Variants in XIRP2 observed in about 807,000 individuals in gnomAD.
XIRP2 encodes xin actin-binding repeat-containing protein 2.
XIRP2 carries 236 observed loss-of-function variants against 277.0 expected under a neutral mutation model. That is an observed-to-expected ratio of 0.85 (90% CI 0.77 to 0.95). The LOEUF is 0.95. Ranked by LOEUF, XIRP2 falls within the 40% of genes least tolerant of loss-of-function variation. The pLI is 0.00. For missense variants in XIRP2, 4,640 were observed against 4,157.5 expected (o/e 1.12, Z -3.19); for synonymous variants, 1,490 against 1,416.5 (o/e 1.05, Z -1.17).
chr2:167,227,997 A>C (rs2105413102), intron 5 of XIRP2, among the ~76,000 whole-genome samples: 1 of 152,288 alleles, frequency 6.6e-6, no homozygotes, highest in African/African-American at 2.4e-5. Flanking sequence ...GTTTCATGAA[A>C]GACAGAGCTT....
intron 5 of XIRP2, among the ~76,000 whole-genome samples, chr2:167,226,119 G>C (rs944609633): frequency 6.6e-6 from 1 of 152,046 alleles, no homozygotes; most frequent in Admixed American, 6.6e-5. Flanking sequence ...CTAGTAATTC[G>C]GTTTTCCTTT....
chr2:167,242,869 A>G lies in XIRP2; in HGVS notation c.1477A>G (p.Arg493Gly). ...CCCCAAAGATGTATATTCCAAGCAA[A>G]GAAATTTGTATGAATTAAACCGTTT... ...PVPKDVYSKQ[R>G]NLYELNRLYK... Residue 493 changes from arginine (R) to glycine (G), a missense_variant, in exon 9 of 11, where the codon AGA becomes GGA. Physicochemically the swap from Arg to Gly is moderately radical, Grantham distance 125. Coordinates refer to ENST00000409195, the MANE Select transcript of XIRP2 (RefSeq NM_152381.6). The G allele has an allele frequency of 2.5e-6, 4 of 1,614,172 alleles. No individual in the cohort carries two copies. The highest frequency in any genetic ancestry group is 3.4e-6 in the Non-Finnish European group (4 of 1,180,012).
intron 2 of XIRP2, among the ~76,000 whole-genome samples, chr2:166,920,328 G>T (rs1262464736): frequency 1.3e-5 from 2 of 152,122 alleles, no homozygotes; most frequent in African/African-American, 4.8e-5. Context: ...AATTCAAGTT[G>T]ATCTCAGTCC....
chr2:167,181,773 G>C (rs6748870), intron 3 of XIRP2, among the ~76,000 whole-genome samples: 15,048 of 152,154 alleles, frequency 0.099, 805 homozygotes, highest in South Asian at 0.16. Flanking sequence ...GTAAAGAACA[G>C]TTTTACTTTT....
chr2:167,023,213 T>A (rs1205382319), intron 2 of XIRP2, among the ~76,000 whole-genome samples: 1 of 152,104 alleles, frequency 6.6e-6, no homozygotes, highest in Non-Finnish European at 1.5e-5. Context: ...CATTGACGGT[T>A]AGCATTTTTT....
chr2:167,186,561 G>A (rs1049074799), intron 3 of XIRP2, among the ~76,000 whole-genome samples: 5 of 152,122 alleles, frequency 3.3e-5, no homozygotes, highest in African/African-American at 1.2e-4. Flanking sequence ...TGTATGAGAT[G>A]TTGTCATTTT....
rs367888392 is a variant in XIRP2, at chr2:167,219,078, G to A, written c.858+778G>A. 5.0e-3 allele frequency among the ~76,000 whole-genome samples: 758 copies of A among 152,122 alleles called. 9 individuals are homozygous for A. Among genetic ancestry groups the A allele is most frequent in the Non-Finnish European group, 7.6e-3 (518 of 67,988 alleles). ...TTTTTTTTAATCCCCGGGACATATAGAGTTGCCTAAATTTTTTTAAATGAA... is the reference window on the plus strand; with the variant it reads ...TTTTTTTTAATCCCCGGGACATATAAAGTTGCCTAAATTTTTTTAAATGAA... On this transcript the variant is annotated intron_variant, in intron 5 of 10. Transcript: ENST00000409195.
intron 2 of XIRP2, among the ~76,000 whole-genome samples, chr2:167,108,872 A>G (rs946104163): frequency 1.3e-5 from 2 of 149,344 alleles, no homozygotes; most frequent in African/African-American, 4.9e-5. Flanking sequence ...GTCCTTTTTT[A>G]ATCTTTTATT....
rs374838575 is a variant in XIRP2, at chr2:167,258,835, T to C, written c.*1018T>C. The C allele has an allele frequency of 1.9e-6, 3 of 1,612,958 alleles. No homozygotes were observed. The highest frequency in any genetic ancestry group is 2.7e-5 in the African/African-American group (2 of 74,850). On this transcript the variant is annotated 3_prime_UTR_variant, in exon 11 of 11. Transcript: ENST00000409195. The stretch of plus-strand genomic sequence containing the variant: ...CATCTAGAATCTCAGAGTTACTTGG[T>C]ATATTTGAATCTGAAAAGACTTATT...
Position 167,115,187 on chromosome 2 carries a change from T to TG in XIRP2, c.409-20721dup, listed in dbSNP as rs534570655. On this transcript the variant is annotated intron_variant, in intron 2 of 10. Transcript: ENST00000409195. ...CTGTGGTTTTGCAATTCTTATAGTG[T>TG]GTTTTTCAGCTCTATCAGATCCGTT... Among the ~76,000 whole-genome samples the TG allele has an allele frequency of 2.7e-3, 413 of 152,292 alleles. 4 individuals are homozygous for TG. The highest frequency in any genetic ancestry group is 9.4e-3 in the African/African-American group (391 of 41,574).
chr2:167,039,331 C>T (rs765576329), intron 2 of XIRP2, among the ~76,000 whole-genome samples: 4 of 152,192 alleles, frequency 2.6e-5, no homozygotes, highest in Non-Finnish European at 5.9e-5. Flanking sequence ...ATTACTCACT[C>T]ATTTATTCAA....
intron 2 of XIRP2, among the ~76,000 whole-genome samples, chr2:166,922,786 A>G (rs1205665854): frequency 6.6e-6 from 1 of 151,414 alleles, no homozygotes; most frequent in Non-Finnish European, 1.5e-5. Flanking sequence ...CAAACTAGAA[A>G]TCCAGTTATT....
At chr2:167,055,517 G>T (rs575181429) in intron 2 of XIRP2, among the ~76,000 whole-genome samples, 1 of 152,148 alleles carries the variant, frequency 6.6e-6, no homozygotes, top group Non-Finnish European at 1.5e-5. Flanking sequence ...AAATGTGGGA[G>T]AATTTACATC....
At chr2:167,024,642 T>C (rs1336398069) in intron 2 of XIRP2, among the ~76,000 whole-genome samples, 3 of 152,160 alleles carry the variant, frequency 2.0e-5, no homozygotes, top group African/African-American at 7.2e-5. Context: ...ATACCTAATG[T>C]ATTGAGAGTT....
chr2:167,179,860 C>T (rs749762691), intron 3 of XIRP2, among the ~76,000 whole-genome samples: 1 of 152,070 alleles, frequency 6.6e-6, no homozygotes, highest in African/African-American at 2.4e-5. Context: ...GTTGTCTAGG[C>T]TCTTCTCAAA....
intron 3 of XIRP2, among the ~76,000 whole-genome samples, chr2:167,168,103 T>A (rs982577617): frequency 2.6e-5 from 4 of 152,196 alleles, no homozygotes; most frequent in African/African-American, 9.6e-5. Context: ...AATTCTTATC[T>A]ATGCTATTCA....
chr2:167,092,277 A>G (rs1690168934), intron 2 of XIRP2, among the ~76,000 whole-genome samples: 1 of 152,066 alleles, frequency 6.6e-6, no homozygotes. Flanking sequence ...ACATTTTGCC[A>G]TATTCATTTT....
At position 167,248,560 on chromosome 2, in the gene XIRP2, G is replaced by A; in HGVS notation, c.7168G>A (p.Gly2390Arg). ...CTCCTCTGCTCCGGAAAAGCACAGT[G>A]GAGACTTCATGCAACAATATTCCCA... ...LSSSAPEKHS[G>R]DFMQQYSQKE... The change falls in exon 9 of 11, where the codon GGA (glycine) becomes AGA (arginine). Residue 2390 changes from glycine (G) to arginine (R), a missense_variant. Coordinates refer to ENST00000409195, the MANE Select transcript of XIRP2 (RefSeq NM_152381.6). The A allele has an allele frequency of 6.2e-7, 1 of 1,613,632 alleles. No individual in the cohort carries two copies. Among genetic ancestry groups the A allele is most frequent in the Non-Finnish European group, 8.5e-7 (1 of 1,179,810 alleles).
At position 167,080,751 on chromosome 2, in the gene XIRP2, A is replaced by G. The variant is rs544913139; in HGVS notation, c.409-55158A>G. Among the ~76,000 whole-genome samples the G allele has an allele frequency of 3.9e-5, 6 of 152,330 alleles. No homozygotes were observed. In the East Asian group the frequency reaches 5.8e-4, roughly 15 times the overall value. On this transcript the variant is annotated intron_variant, in intron 2 of 10. Transcript: ENST00000409195. ...TATCTTTCTCTAAGTTAGAATTCCA[A>G]TGGAACGTTTCCCTATAAGAAAGAA...
Sources: gnomAD v4.1 joint callset for allele counts (sites outside exome capture counted in the v4.1 genomes callset) on GRCh38, gnomAD v4.1.1 for gene constraint, MANE v1.5 for transcripts, NCBI Gene and HGNC (gene_info 2026-07-23, HGNC 2026-07-21) for gene names.